NDFIP1: variants seen among roughly 807,000 people sequenced by gnomAD.
NDFIP1 encodes the protein NEDD4 family-interacting protein 1.
NDFIP1 carries 7 observed loss-of-function variants against 28.8 expected under a neutral mutation model. That is an observed-to-expected ratio of 0.24 (90% confidence interval 0.14 to 0.46). NDFIP1 has a LOEUF of 0.46. Ranked by LOEUF, NDFIP1 falls within the 20% of genes least tolerant of loss-of-function variation. The pLI, the probability that NDFIP1 is intolerant of heterozygous loss-of-function variation, is 0.99. For synonymous variants in NDFIP1, 92 were observed against 101.0 expected (o/e 0.91, Z 0.53); for missense variants, 194 against 269.1 (o/e 0.72, Z 1.95).
At chr5:142,138,698 T>C (rs1053760307) in intron 5 of NDFIP1, among the ~76,000 whole-genome samples, 16 of 152,170 alleles carry the variant, frequency 1.1e-4, no homozygotes, top group African/African-American at 2.2e-4. Context: ...ATAGCTAATA[T>C]GTACTCATCT....
At chr5:142,110,287 G>A (rs1172132997) in intron 1 of NDFIP1, among the ~76,000 whole-genome samples, 10 of 152,030 alleles carry the variant, frequency 6.6e-5, no homozygotes, top group South Asian at 4.1e-4. Flanking sequence ...TCTAGCACAT[G>A]CTTTTTTTCT....
rs1381843700 is a variant in NDFIP1 at position 142,144,607 on chromosome 5, C to T, written c.599C>T (p.Ala200Val). The T allele has an allele frequency of 6.2e-7, 1 of 1,612,660 alleles. No homozygotes were observed. The highest frequency in any genetic ancestry group is 2.2e-5 in the East Asian group (1 of 44,808). Residue 200 changes from alanine to valine, a missense_variant, in exon 7 of 8, where the codon GCA becomes GTA. Ala to Val is a moderately conservative substitution (Grantham distance 64). Transcript: ENST00000253814. ...TTTCTCAGAGGATTTATCAATTATG[C>T]AAAAGTTCGGAAGATGCCAGAAACT... ...LLFLRGFINY[A>V]KVRKMPETFS...
intron 1 of NDFIP1, among the ~76,000 whole-genome samples, chr5:142,129,696 G>C (rs1227844221): frequency 6.6e-6 from 1 of 152,024 alleles, no homozygotes; most frequent in Non-Finnish European, 1.5e-5. Context: ...GGAGGCTAAG[G>C]CAGGCATATC....
At chr5:142,110,677 C>T (rs1596779026) in intron 1 of NDFIP1, among the ~76,000 whole-genome samples, 1 of 151,946 alleles carries the variant, frequency 6.6e-6, no homozygotes, top group Admixed American at 6.6e-5. Context: ...CAAAACCCTC[C>T]CTAAACAAAA....
At chr5:142,133,269 C>G (rs1048972667) in intron 3 of NDFIP1, among the ~76,000 whole-genome samples, 3 of 152,216 alleles carry the variant, frequency 2.0e-5, no homozygotes, top group African/African-American at 7.2e-5. Context: ...TCAGTTCTTA[C>G]AGGTACCAGG....
intron 1 of NDFIP1, among the ~76,000 whole-genome samples, chr5:142,122,072 G>T (rs1417294705): frequency 6.6e-6 from 1 of 152,162 alleles, no homozygotes; most frequent in Non-Finnish European, 1.5e-5. Flanking sequence ...ATAAAAACAT[G>T]TACAATCACA....
chr5:142,127,011 A>G lies in NDFIP1; in HGVS notation c.64-4797A>G, dbSNP rs750571497. 2.3e-4 allele frequency among the ~76,000 whole-genome samples: 35 copies of G among 151,870 alleles called. 1 individual carries two copies. The highest frequency in any genetic ancestry group is 3.4e-3 in the Middle Eastern group (1 of 294). On this transcript the variant is annotated intron_variant, in intron 1 of 7. Transcript: ENST00000253814. Reference sequence around the variant, plus strand: ...GAGGGAAAAAAAAACGCTCTATTTTATTTTATTTATTTATTTATTTTTGAG... The same window carrying G: ...GAGGGAAAAAAAAACGCTCTATTTTGTTTTATTTATTTATTTATTTTTGAG...
At chr5:142,129,349 C>A (rs966493572) in intron 1 of NDFIP1, among the ~76,000 whole-genome samples, 1 of 152,080 alleles carries the variant, frequency 6.6e-6, no homozygotes, top group African/African-American at 2.4e-5. Context: ...ATTCCTAGTT[C>A]GGTGTCCCAG....
intron 1 of NDFIP1, among the ~76,000 whole-genome samples, chr5:142,121,102 T>A (rs551536762): frequency 9.6e-4 from 147 of 152,364 alleles, no homozygotes; most frequent in African/African-American, 3.4e-3. Flanking sequence ...GATTTCACTG[T>A]CTTTTCAATG....
chr5:142,145,581 C>T (rs1757380648), intron 7 of NDFIP1, among the ~76,000 whole-genome samples: 1 of 152,060 alleles, frequency 6.6e-6, no homozygotes. Context: ...TTCAGATAAA[C>T]TTTACATGAT....
At chr5:142,113,118 A>G (rs1309780196) in intron 1 of NDFIP1, among the ~76,000 whole-genome samples, 1 of 152,234 alleles carries the variant, frequency 6.6e-6, no homozygotes, top group African/African-American at 2.4e-5. Flanking sequence ...CAAACAGATT[A>G]CAGAATGTTT....
chr5:142,146,433 A>G lies in NDFIP1; in HGVS notation c.*2+1757A>G, dbSNP rs996822734. ...TAGTTACCATTGTCATCTTTCATCT[A>G]TATATCAGATTGGAATTTATAGTTA... is the stretch of plus-strand genomic sequence containing the variant. On this transcript the variant is annotated intron_variant, in intron 7 of 7. Transcript: ENST00000253814. 4.6e-5 allele frequency among the ~76,000 whole-genome samples: 7 copies of G among 152,316 alleles called. No individual in the cohort carries two copies. In the East Asian group the frequency reaches 1.3e-3, roughly 29 times the overall value.
chr5:142,129,927 AAAAG>A (rs573914172), intron 1 of NDFIP1, among the ~76,000 whole-genome samples: 33,849 of 136,982 alleles, frequency 0.25, 4,379 homozygotes, highest in Non-Finnish European at 0.33. Flanking sequence ...AAAAAAAAAA[AAAAG>A]AAAGAAAGAA....
At chr5:142,132,885 T>C (rs1381152038) in intron 3 of NDFIP1, among the ~76,000 whole-genome samples, 3 of 152,250 alleles carry the variant, frequency 2.0e-5, no homozygotes. Flanking sequence ...GTGGAGATTA[T>C]TGGGCACTCT....
rs112348452 is a variant in NDFIP1, at chr5:142,127,731, G to A, written c.64-4077G>A. Reference sequence around the variant, plus strand: ...AGCGCTTTGGGAGGCTGAGGCAGGCGGATCACTTGAGGTCAGGAGTTTGGT... The same window carrying A: ...AGCGCTTTGGGAGGCTGAGGCAGGCAGATCACTTGAGGTCAGGAGTTTGGT... On this transcript the variant is annotated intron_variant, in intron 1 of 7. Transcript: ENST00000253814. 6.6e-3 allele frequency among the ~76,000 whole-genome samples: 997 copies of A among 152,172 alleles called. 9 individuals carry two copies. Among genetic ancestry groups the A allele is most frequent in the African/African-American group, 0.023 (950 of 41,520 alleles).
intron 1 of NDFIP1, among the ~76,000 whole-genome samples, chr5:142,122,801 T>C (rs1757133688): frequency 6.6e-6 from 1 of 152,186 alleles, no homozygotes; most frequent in Non-Finnish European, 1.5e-5. Context: ...GTCTTGTCCC[T>C]TTTTTTATTG....
intron 1 of NDFIP1, 55 bp from the exon 2 acceptor site, chr5:142,131,753 T>A: frequency 7.2e-7 from 1 of 1,397,248 alleles, no homozygotes; most frequent in Non-Finnish European, 9.6e-7. Context: ...GTTTTTGGGT[T>A]CTTATCTTTC....
intron 1 of NDFIP1, among the ~76,000 whole-genome samples, chr5:142,110,976 A>G (rs1435021254): frequency 6.6e-6 from 1 of 152,086 alleles, no homozygotes; most frequent in Admixed American, 6.6e-5. Context: ...AGTGATTATA[A>G]GGATATACAC....
chr5:142,146,810 C>T (rs544332495), intron 7 of NDFIP1, among the ~76,000 whole-genome samples: 5 of 152,244 alleles, frequency 3.3e-5, no homozygotes, highest in East Asian at 1.9e-4. Context: ...AAAGCCTGAA[C>T]GTCTCAGTTT....
Sources: gnomAD v4.1 joint callset for allele counts (sites outside exome capture counted in the v4.1 genomes callset) on GRCh38, gnomAD v4.1.1 for gene constraint, MANE v1.5 for transcripts, NCBI Gene and HGNC (gene_info 2026-07-23, HGNC 2026-07-21) for gene names.